IL3RA: variants seen among roughly 807,000 people sequenced by gnomAD.
The protein encoded by IL3RA is interleukin 3 receptor subunit alpha, also known as interleukin-3 receptor subunit alpha.
IL3RA carries 73 observed loss-of-function variants against 52.3 expected under a neutral mutation model. That is an observed-to-expected ratio of 1.40 (90% CI 1.16 to 1.70). The LOEUF (loss-of-function observed/expected upper bound fraction) is 1.70. Among genes scored for constraint, IL3RA ranks in the 40% most tolerant of loss-of-function variants. The pLI, the probability that IL3RA is intolerant of heterozygous loss-of-function variation, is 0.00. For missense variants in IL3RA, 664 were observed against 504.4 expected (o/e 1.32, Z -3.03); for synonymous variants, 260 against 194.0 (o/e 1.34, Z -2.83).
chrX:1,365,373 C>T (rs1231566663), intron 9 of IL3RA, 121 bp downstream of exon 9: 1 of 186,586 alleles, frequency 5.4e-6, no homozygotes, highest in Admixed American at 1.6e-4. Flanking sequence ...GAGCCGGGTG[C>T]GCGGGGTGAG....
chrX:1,342,057 C>T lies in IL3RA; in HGVS notation c.64+228C>T, dbSNP rs1200754196. 4.6e-5 allele frequency among the ~76,000 whole-genome samples: 7 copies of T among 152,204 alleles called. No homozygotes were observed. The South Asian group carries it at 8.3e-4, about 18-fold the overall frequency. On this transcript the variant is annotated intron_variant, in intron 2 of 11. Transcript: ENST00000331035. ...ACGACCTCACAGGCAGGGACCTGAT[C>T]GTGACACAGATGCCATGTGAGGTGT...
At chrX:1,347,447 A>AAC (rs1248668426) in intron 3 of IL3RA, among the ~76,000 whole-genome samples, 3 of 148,394 alleles carry the variant, frequency 2.0e-5, no homozygotes, top group South Asian at 2.1e-4. Context: ...TCTGTCTCAA[A>AAC]AAAACAAAAA....
At position 1,353,416 on chromosome X, in the gene IL3RA, A is replaced by T. The variant is rs778155124; in HGVS notation, c.616+910A>T. On this transcript the variant is annotated intron_variant, in intron 6 of 11. Transcript: ENST00000331035. ...TAGGACCCCCATCATGGATTCCATC[A>T]TGGGTCATGGGAACCTCCATCATGG... Among the ~76,000 whole-genome samples the T allele has an allele frequency of 3.5e-5, 5 of 142,714 alleles. No homozygotes were observed. The East Asian group carries it at 1.1e-3, about 31-fold the overall frequency. 93.6% of individuals were successfully genotyped at this position (142,714 alleles called of 152,430 possible). A position where few individuals can be genotyped will look rare whatever the true frequency, so the allele number is the denominator to read the frequency against.
intron 3 of IL3RA, among the ~76,000 whole-genome samples, chrX:1,345,690 C>G (rs2085711909): frequency 6.6e-6 from 1 of 151,662 alleles, no homozygotes; most frequent in Non-Finnish European, 1.5e-5. Context: ...TGGGGTTTCA[C>G]TGTGTTAGCC....
At chrX:1,345,011 A>T (rs1311882066) in intron 2 of IL3RA, among the ~76,000 whole-genome samples, 14 of 146,598 alleles carry the variant, frequency 9.5e-5, no homozygotes, top group Non-Finnish European at 1.8e-4. Context: ...AAATACAAAA[A>T]AAAAAAAATT....
chrX:1,341,310 AAAAAG>A (rs1216354307), intron 1 of IL3RA, among the ~76,000 whole-genome samples: 1 of 152,028 alleles, frequency 6.6e-6, no homozygotes, highest in Non-Finnish European at 1.5e-5. Flanking sequence ...GGAAAAAAAA[AAAAAG>A]AAAACACACA....
rs192030503 is a variant in IL3RA at position 1,340,844 on chromosome X, C to T, written c.-38-884C>T. On this transcript the variant is annotated intron_variant, in intron 1 of 11. Transcript: ENST00000331035. Reference sequence around the variant, plus strand: ...AAAAATACAAAAAGTGGGCTGGACGCGGTGGCTGACGCCTGTCATCCCAGC... The same window carrying T: ...AAAAATACAAAAAGTGGGCTGGACGTGGTGGCTGACGCCTGTCATCCCAGC... 7.9e-5 allele frequency among the ~76,000 whole-genome samples: 12 copies of T among 152,060 alleles called. No individual in the cohort carries two copies. In the East Asian group the frequency reaches 9.7e-4, roughly 12 times the overall value.
In IL3RA at chrX:1,348,694, T is replaced by TTTC. The variant is rs1569520730; in HGVS notation, c.298+150_298+151insTCT. The TTTC allele has an allele frequency of 1.9e-4, 52 of 273,458 alleles. 1 individual carries two copies. Among genetic ancestry groups the TTTC allele is most frequent in the African/African-American group, 1.1e-3 (20 of 18,060 alleles). 16.9% of individuals were successfully genotyped at this position (273,458 alleles called of 1,614,324 possible). The stretch of plus-strand genomic sequence containing the variant: ...TCTTTCTTTCTTTCTTTCTTTCTTT[T>TTTC]TCTTTCTTTCTGTTTCTGTTTCTTT... On this transcript the variant is annotated intron_variant, in intron 4 of 11. Transcript: ENST00000331035.
intron 7 of IL3RA, 108 bp from the exon 8 acceptor site, chrX:1,358,752 GC>G: frequency 9.4e-6 from 11 of 1,168,296 alleles, no homozygotes; most frequent in Non-Finnish European, 1.3e-5. Context: ...CCTTCCCAGA[GC>G]CCTCACTGTT....
At chrX:1,341,935 C>T (rs17885372) in intron 2 of IL3RA, 106 bp downstream of exon 2, 1,104,643 of 1,182,566 alleles carry the variant, frequency 0.93, 518,413 homozygotes, top group Non-Finnish European at 0.97. Flanking sequence ...ATGCTGAGCT[C>T]ATGGCAGAGT....
chrX:1,344,931 G>C (rs2085666660), intron 2 of IL3RA, among the ~76,000 whole-genome samples: 1 of 150,670 alleles, frequency 6.6e-6, no homozygotes, highest in South Asian at 2.1e-4. Flanking sequence ...GGGAGGCTGA[G>C]GCGGACGAAT....
chrX:1,353,925 T>TCCATCATGGGTCATGGGACCCCCCC (rs2086371531), intron 6 of IL3RA, among the ~76,000 whole-genome samples: 3 of 110,534 alleles, frequency 2.7e-5, no homozygotes, highest in African/African-American at 3.5e-5. Flanking sequence ...CATCATGGGT[T>TCCATCATGGGTCATGGGACCCCCCC]CCATCATGGG....
chrX:1,345,656 A>AT (rs1306761364), intron 3 of IL3RA, among the ~76,000 whole-genome samples: 1 of 151,174 alleles, frequency 6.6e-6, no homozygotes, highest in South Asian at 2.1e-4. Context: ...TGCCCGGCTA[A>AT]TTTTTTTGTA....
intron 9 of IL3RA, 130 bp from the exon 10 acceptor site, chrX:1,378,529 G>T: frequency 1.3e-6 from 1 of 742,562 alleles, no homozygotes; most frequent in South Asian, 1.7e-5. Context: ...CACTACTGGG[G>T]TGTCCCCCCC....
rs1192784297 is a variant in IL3RA, at chrX:1,345,345, A to C, written c.94A>C (p.Met32Leu). The change falls in exon 3 of 12, where the codon ATG becomes CTG. Residue 32 changes from methionine (M) to leucine (L), a missense_variant. Coordinates refer to ENST00000331035, the MANE Select transcript of IL3RA (RefSeq NM_002183.4). ...DPNPPITNLRMKAKAQQLTWD... is the reference protein window; with the variant it reads ...DPNPPITNLRLKAKAQQLTWD... ...AAACCCACCAATCACGAACCTAAGGATGAAAGCAAAGGCTCAGCAGTTGAC... is the reference window on the plus strand; with the variant it reads ...AAACCCACCAATCACGAACCTAAGGCTGAAAGCAAAGGCTCAGCAGTTGAC... 8 of 1,611,486 alleles carry C rather than the reference A, an allele frequency of 5.0e-6. No homozygotes were observed. The highest frequency in any genetic ancestry group is 5.9e-6 in the Non-Finnish European group (7 of 1,178,502).
chrX:1,349,088 G>C (rs2085959100), intron 4 of IL3RA, among the ~76,000 whole-genome samples: 2 of 150,754 alleles, frequency 1.3e-5, no homozygotes, highest in Admixed American at 1.3e-4. Flanking sequence ...GCTTACTGCA[G>C]GCTTCACCTC....
chrX:1,345,246 C>A (rs866229764), intron 2 of IL3RA, 70 bp from the exon 3 acceptor site: 63 of 912,654 alleles, frequency 6.9e-5, no homozygotes, highest in South Asian at 9.1e-5. Context: ...AAAAAAAAAA[C>A]CATACCCCTT....
Position 1,382,525 on chromosome X carries a change from GCACA to G in IL3RA, c.*61_*64del. ...ATCTCCCTGGCCGGGCCAGGCGCCTGCACAGACTGGCTGCTGGACCTGCGCACGC... is the reference window on the plus strand; with the variant it reads ...ATCTCCCTGGCCGGGCCAGGCGCCTGGACTGGCTGCTGGACCTGCGCACGC... On this transcript the variant is annotated 3_prime_UTR_variant, in exon 12 of 12. Transcript: ENST00000331035. 6.8e-7 allele frequency: 1 copy of G among 1,468,718 alleles called. No homozygotes were observed. Among genetic ancestry groups the G allele is most frequent in the East Asian group, 2.3e-5 (1 of 44,248 alleles). 91.0% of individuals were successfully genotyped at this position (1,468,718 alleles called of 1,614,324 possible).
chrX:1,363,078 G>A (rs759183240), intron 8 of IL3RA, among the ~76,000 whole-genome samples: 14 of 151,512 alleles, frequency 9.2e-5, no homozygotes, highest in Admixed American at 5.9e-4. Flanking sequence ...GCCCGGCCAC[G>A]TCTCCTCTTC....
Sources: gnomAD v4.1 joint callset for allele counts (sites outside exome capture counted in the v4.1 genomes callset) on GRCh38, gnomAD v4.1.1 for gene constraint, MANE v1.5 for transcripts, NCBI Gene and HGNC (gene_info 2026-07-23, HGNC 2026-07-21) for gene names.